CCDC25: variants seen among roughly 807,000 people sequenced by gnomAD.
CCDC25 encodes the protein coiled-coil domain containing 25, also known as coiled-coil domain-containing protein 25.
Under a neutral mutation model 35.3 loss-of-function variants are expected in CCDC25, and 16 were observed. The observed-to-expected ratio is 0.45, with a 90% CI of 0.31 to 0.69. CCDC25 has a LOEUF of 0.69. Ranked by LOEUF, CCDC25 falls within the 30% of genes least tolerant of loss-of-function variation. The probability of loss-of-function intolerance (pLI) is 0.06; values close to 1 mark genes in which losing one functional copy is unlikely to be tolerated. For synonymous variants in CCDC25, 79 were observed against 80.3 expected (o/e 0.98, Z 0.09); for missense variants, 179 against 250.7 (o/e 0.71, Z 1.93).
At chr8:27,767,694 C>T (rs1377190938) in intron 1 of CCDC25, among the ~76,000 whole-genome samples, 3 of 152,148 alleles carry the variant, frequency 2.0e-5, no homozygotes, top group Admixed American at 1.3e-4. Context: ...GGAATAAAGC[C>T]TGTTGATTAG....
chr8:27,772,146 C>A, intron 1 of CCDC25: 1 of 353,232 alleles, frequency 2.8e-6, no homozygotes, highest in East Asian at 5.6e-5. Context: ...AGGGTTCAGC[C>A]AGAACAAAGG....
intron 5 of CCDC25, among the ~76,000 whole-genome samples, chr8:27,752,209 C>A (rs529675724): frequency 2.1e-4 from 32 of 152,292 alleles, no homozygotes; most frequent in African/African-American, 7.7e-4. Flanking sequence ...TTCCCAAAGT[C>A]TTTTTATAAT....
At position 27,748,570 on chromosome 8, in the gene CCDC25, T is replaced by C; in HGVS notation, c.273A>G (p.Val91=). The C allele has an allele frequency of 6.2e-7, 1 of 1,613,806 alleles. No homozygotes were observed. Among genetic ancestry groups the C allele is most frequent in the Non-Finnish European group, 8.5e-7 (1 of 1,179,866 alleles). ...QGCKMNNVNV[V]YTPWSNLKKT... is the part of the protein sequence containing the mutation. ...TCTTCAGGTTAGACCACGGCGTATA[T>C]ACCACATTAACGTTGTTCATCTTGC... is the stretch of plus-strand genomic sequence containing the variant. Residue 91 remains valine, a synonymous_variant, in exon 6 of 9, where the codon GTA becomes GTG. Transcript: ENST00000356537.
At chr8:27,752,030 G>C (rs1050739624) in intron 5 of CCDC25, among the ~76,000 whole-genome samples, 1 of 152,174 alleles carries the variant, frequency 6.6e-6, no homozygotes, top group Admixed American at 6.5e-5. Context: ...CGCAATTTAA[G>C]AGGGAAAAAG....
At chr8:27,742,148 GAA>G (rs1406864832) in intron 7 of CCDC25, among the ~76,000 whole-genome samples, 1 of 152,230 alleles carries the variant, frequency 6.6e-6, no homozygotes. Flanking sequence ...TGCCGCATTT[GAA>G]GTCATAGTGA....
chr8:27,770,514 G>A (rs1804560712), intron 1 of CCDC25, among the ~76,000 whole-genome samples: 1 of 152,124 alleles, frequency 6.6e-6, no homozygotes, highest in Non-Finnish European at 1.5e-5. Flanking sequence ...GAGGCAGGCA[G>A]ATCACCTGAG....
chr8:27,758,131 A>G (rs969148399), intron 3 of CCDC25, among the ~76,000 whole-genome samples: 3 of 152,234 alleles, frequency 2.0e-5, no homozygotes, highest in Non-Finnish European at 4.4e-5. Context: ...AAGATGGACT[A>G]ATACATTAGT....
rs116320977 is a variant in CCDC25, at chr8:27,758,252, T to C, written c.117-1482A>G. ...CTCTAGCCATTTTCTTAAGCACTAA[T>C]AAATGTTTTAGAGGTGAAAATGGTC... On this transcript the variant is annotated intron_variant, in intron 3 of 8. Coordinates refer to ENST00000356537, the MANE Select transcript of CCDC25 (RefSeq NM_018246.3). 4.5e-3 allele frequency among the ~76,000 whole-genome samples: 689 copies of C among 152,336 alleles called. 5 individuals carry two copies. Among genetic ancestry groups the C allele is most frequent in the African/African-American group, 0.016 (658 of 41,580 alleles).
chr8:27,737,865 GGT>G lies in CCDC25; in HGVS notation c.598-1622_598-1621del, dbSNP rs1483647742. The stretch of plus-strand genomic sequence containing the variant: ...ATCAACGAGTGGATAAAGAAACTGT[GGT>G]GTGTGTATACACACACTCACACACA... On this transcript the variant is annotated intron_variant, in intron 8 of 8. Transcript: ENST00000356537. This position sits in a 1 kb window ranked among gnomAD's most constrained non-coding sequence, Gnocchi z 4.6. Among the ~76,000 whole-genome samples the G allele has an allele frequency of 1.6e-4, 22 of 134,330 alleles. No individual in the cohort carries two copies. The East Asian group carries it at 2.2e-3, about 13-fold the overall frequency. 88.1% of individuals were successfully genotyped at this position (134,330 alleles called of 152,430 possible). A position where few individuals can be genotyped will look rare whatever the true frequency, so the allele number is the denominator to read the frequency against.
intron 5 of CCDC25, among the ~76,000 whole-genome samples, chr8:27,751,538 A>G (rs991748828): frequency 2.0e-5 from 3 of 152,156 alleles, no homozygotes; most frequent in Non-Finnish European, 4.4e-5. Context: ...TGTAATTGCC[A>G]ACTCCTGGTA....
chr8:27,740,311 G>C (rs1263454536), intron 8 of CCDC25, among the ~76,000 whole-genome samples, 161 bp downstream of exon 8: 1 of 152,202 alleles, frequency 6.6e-6, no homozygotes, highest in Non-Finnish European at 1.5e-5. Flanking sequence ...CAGGGAAGGA[G>C]GTGCAGTGCC....
chr8:27,746,146 G>C (rs1219397983), intron 7 of CCDC25, among the ~76,000 whole-genome samples: 3 of 152,128 alleles, frequency 2.0e-5, no homozygotes, highest in African/African-American at 7.2e-5. Context: ...TAAATTACTT[G>C]ATTGATTTAT....
chr8:27,760,632 T>C (rs1804194310), intron 3 of CCDC25, among the ~76,000 whole-genome samples: 1 of 152,134 alleles, frequency 6.6e-6, no homozygotes, highest in South Asian at 2.1e-4. Flanking sequence ...GTTAATGAAA[T>C]AGGTGATCAT....
At chr8:27,759,682 A>G (rs1804150918) in intron 3 of CCDC25, among the ~76,000 whole-genome samples, 1 of 148,696 alleles carries the variant, frequency 6.7e-6, no homozygotes, top group Non-Finnish European at 1.5e-5. Flanking sequence ...TGGGAGGCTG[A>G]GGCAGGAGAA....
intron 7 of CCDC25, among the ~76,000 whole-genome samples, chr8:27,744,765 ATAGAC>A (rs1803551690): frequency 1.3e-5 from 2 of 152,214 alleles, no homozygotes; most frequent in South Asian, 4.1e-4. Context: ...AGGAAGCACG[ATAGAC>A]TATTGGCTTC....
chr8:27,755,804 A>G (rs1209600754), intron 4 of CCDC25, among the ~76,000 whole-genome samples: 4 of 152,258 alleles, frequency 2.6e-5, no homozygotes, highest in African/African-American at 4.8e-5. Context: ...AAACTGAGCA[A>G]TAGTCTACAA....
chr8:27,754,526 T>C (rs1782056493), intron 4 of CCDC25: 1 of 152,318 alleles, frequency 6.6e-6, no homozygotes, highest in Non-Finnish European at 1.5e-5. Flanking sequence ...GGTCTTGCTC[T>C]GTTGCCCAGG....
chr8:27,740,819 G>A (rs946671349), intron 7 of CCDC25, among the ~76,000 whole-genome samples: 2 of 152,168 alleles, frequency 1.3e-5, no homozygotes, highest in African/African-American at 4.8e-5. Context: ...TTCAGATGGG[G>A]AAATTCACCT....
intron 3 of CCDC25, among the ~76,000 whole-genome samples, chr8:27,760,397 C>G (rs1804183941): frequency 6.6e-6 from 1 of 152,150 alleles, no homozygotes; most frequent in Non-Finnish European, 1.5e-5. Context: ...ACAGGTGCAG[C>G]CATTCTTATT....
Sources: allele counts gnomAD v4.1 joint callset (sites outside exome capture counted in the v4.1 genomes callset), GRCh38; gene constraint gnomAD v4.1.1; non-coding constraint Gnocchi (gnomAD v3.1); transcripts MANE v1.5; gene names NCBI Gene and HGNC (gene_info 2026-07-23, HGNC 2026-07-21).